AGPS: variants seen among roughly 807,000 people sequenced by gnomAD.
The protein encoded by AGPS is alkyldihydroxyacetonephosphate synthase, peroxisomal.
In AGPS, 26 loss-of-function variants were observed where a neutral mutation model predicts 90.7. The observed-to-expected ratio is 0.29, with a 90% CI of 0.21 to 0.40. AGPS has a LOEUF of 0.40. AGPS is among the 10% of genes least tolerant of loss of function. AGPS has a pLI of 1.00. For missense variants in AGPS, 540 were observed against 816.1 expected (o/e 0.66, Z 4.12); for synonymous variants, 294 against 285.3 (o/e 1.03, Z -0.31).
At chr2:177,403,312 T>A (rs1412855805) in intron 1 of AGPS, among the ~76,000 whole-genome samples, 2 of 152,108 alleles carry the variant, frequency 1.3e-5, no homozygotes, top group Non-Finnish European at 2.9e-5. Context: ...ATTGGAAGAG[T>A]ATTGTTCTAT....
chr2:177,440,753 G>T (rs900490869), intron 5 of AGPS, among the ~76,000 whole-genome samples: 1 of 152,018 alleles, frequency 6.6e-6, no homozygotes, highest in Non-Finnish European at 1.5e-5. Flanking sequence ...GAAAATTTTC[G>T]TACTATCTTT....
intron 9 of AGPS, among the ~76,000 whole-genome samples, chr2:177,465,378 C>T (rs1349766620): frequency 2.0e-5 from 3 of 152,190 alleles, no homozygotes; most frequent in Middle Eastern, 3.4e-3. Flanking sequence ...TCATGGGATT[C>T]TTGGGGTGTC....
rs142749497 is a variant in AGPS, at chr2:177,495,842, G to A, written c.1286-1847G>A. 3.2e-4 allele frequency among the ~76,000 whole-genome samples: 46 copies of A among 145,078 alleles called. 2 individuals carry two copies. In the East Asian group the frequency reaches 9.0e-3, roughly 28 times the overall value. ...CTGAGGCAGGAGAATTGCTTGAACC[G>A]GGGAGGCAGAGGTTGCTGTGAGCCG... On this transcript the variant is annotated intron_variant, in intron 12 of 19. Transcript: ENST00000264167.
chr2:177,492,348 G>T (rs1269873057), intron 11 of AGPS, among the ~76,000 whole-genome samples: 1 of 152,076 alleles, frequency 6.6e-6, no homozygotes, highest in African/African-American at 2.4e-5. Flanking sequence ...GTCTAATCAG[G>T]CTTTGTATAT....
At chr2:177,509,972 A>T (rs1242833685) in intron 16 of AGPS, among the ~76,000 whole-genome samples, 2 of 152,030 alleles carry the variant, frequency 1.3e-5, no homozygotes, top group Non-Finnish European at 2.9e-5. Context: ...ACCAAAAGAA[A>T]CCCTGAAACA....
intron 8 of AGPS, among the ~76,000 whole-genome samples, chr2:177,448,367 A>G (rs1426371121): frequency 2.0e-5 from 3 of 152,198 alleles, no homozygotes. Context: ...CATTCAGGCT[A>G]ACAGACTTTA....
chr2:177,420,250 T>C lies in AGPS; in HGVS notation c.261-19T>C. 1.4e-6 allele frequency: 2 copies of C among 1,478,016 alleles called. No individual in the cohort carries two copies. Among genetic ancestry groups the C allele is most frequent in the Non-Finnish European group, 1.9e-6 (2 of 1,057,252 alleles). 91.6% of individuals were successfully genotyped at this position (1,478,016 alleles called of 1,614,324 possible). A position where few individuals can be genotyped will look rare whatever the true frequency, so the allele number is the denominator to read the frequency against. ...ATGTTTAGCATTGGTCTCACTTATA[T>C]ATATTTTCTTCTCACTAGGCAAGAA... On this transcript the variant is annotated intron_variant, in intron 1 of 19. Transcript: ENST00000264167.
At chr2:177,416,733 A>G (rs914820691) in intron 1 of AGPS, among the ~76,000 whole-genome samples, 3 of 151,732 alleles carry the variant, frequency 2.0e-5, no homozygotes, top group Non-Finnish European at 2.9e-5. Context: ...GTTTCACTAT[A>G]TTAGCCAGGA....
Position 177,436,815 on chromosome 2 carries a change from C to A in AGPS, c.493C>A (p.Leu165Ile). 1 of 1,611,176 alleles carries A rather than the reference C, an allele frequency of 6.2e-7. No homozygotes were observed. The highest frequency in any genetic ancestry group is 1.3e-5 in the African/African-American group (1 of 74,970). The change falls in exon 4 of 20, where the codon CTT (leucine) becomes ATT (isoleucine). Residue 165 changes from leucine to isoleucine, a missense_variant. Physicochemically the swap from Leu to Ile is conservative, Grantham distance 5. Transcript: ENST00000264167. ...TCCTTCTGTTGTAAATGAAGATTTTCTTCATGACCTTAAAGAAACTAATAT... is the reference window on the plus strand; with the variant it reads ...TCCTTCTGTTGTAAATGAAGATTTTATTCATGACCTTAAAGAAACTAATAT... ...TPPSVVNEDF[L>I]HDLKETNISY...
chr2:177,503,240 A>G (rs936911772), intron 14 of AGPS, among the ~76,000 whole-genome samples: 6 of 152,182 alleles, frequency 3.9e-5, no homozygotes, highest in African/African-American at 7.2e-5. Flanking sequence ...TTGTTTATCC[A>G]TGTTTGCTAG....
chr2:177,491,760 T>TTCC (rs1688266881), intron 11 of AGPS, among the ~76,000 whole-genome samples: 1 of 46,506 alleles, frequency 2.2e-5, no homozygotes, highest in Non-Finnish European at 3.7e-5. Context: ...ATACTTTCCT[T>TTCC]CCCCCCCCCC....
In AGPS at chr2:177,425,490, G is replaced by A. The variant is rs189440820; in HGVS notation, c.350+5132G>A. On this transcript the variant is annotated intron_variant, in intron 2 of 19. Transcript: ENST00000264167. ...ACAAAAATTAGCAGGGCATGGTGGC[G>A]CATGCCTATAATCCCAGCTACTCAT... is the stretch of plus-strand genomic sequence containing the variant. Among the ~76,000 whole-genome samples, 998 of 151,974 alleles carry A rather than the reference G, an allele frequency of 6.6e-3. 9 individuals are homozygous for A. The highest frequency in any genetic ancestry group is 0.023 in the African/African-American group (953 of 41,458).
At chr2:177,530,200 T>C (rs1226677718) in intron 19 of AGPS, among the ~76,000 whole-genome samples, 1 of 152,218 alleles carries the variant, frequency 6.6e-6, no homozygotes, top group Non-Finnish European at 1.5e-5. Context: ...TCTCACCCTA[T>C]AGGAAAGTTT....
chr2:177,423,522 G>T (rs1319586622), intron 2 of AGPS, among the ~76,000 whole-genome samples: 2 of 152,104 alleles, frequency 1.3e-5, no homozygotes, highest in Non-Finnish European at 2.9e-5. Flanking sequence ...AACAGAGCTG[G>T]AAAGAAAGAA....
chr2:177,415,497 T>G (rs976482757), intron 1 of AGPS, among the ~76,000 whole-genome samples: 38 of 152,380 alleles, frequency 2.5e-4, no homozygotes, highest in African/African-American at 8.9e-4. Context: ...AATTATCACA[T>G]TGATTAATAA....
rs887789524 is a variant in AGPS, at chr2:177,542,094, A to G, written c.*3899A>G. ...CTGTTTATTCTTTTATTTGCATATG[A>G]GTTTTTCTTTTAGTTTTAGTTTTTC... On this transcript the variant is annotated 3_prime_UTR_variant, in exon 20 of 20. Transcript: ENST00000264167. The G allele has an allele frequency of 6.6e-6, 1 of 151,460 alleles. No individual in the cohort carries two copies. Among genetic ancestry groups the G allele is most frequent in the Non-Finnish European group, 1.5e-5 (1 of 67,720 alleles). The allele number at this position is 151,460 out of a possible 1,614,324, so 9.4% of individuals were successfully genotyped here.
intron 2 of AGPS, 91 bp downstream of exon 2, chr2:177,420,449 C>G: frequency 1.0e-6 from 1 of 955,154 alleles, no homozygotes; most frequent in Non-Finnish European, 1.7e-6. Flanking sequence ...AATGATTCCT[C>G]CTTGAGTTTA....
intron 11 of AGPS, among the ~76,000 whole-genome samples, chr2:177,488,114 T>C (rs1332442980): frequency 6.6e-6 from 1 of 152,176 alleles, no homozygotes; most frequent in Non-Finnish European, 1.5e-5. Flanking sequence ...TGATACCAAC[T>C]CTGACTTATT....
In AGPS at chr2:177,478,269, T is replaced by C. The variant is rs374576575; in HGVS notation, c.1106-3790T>C. Among the ~76,000 whole-genome samples, 23 of 152,342 alleles carry C rather than the reference T, an allele frequency of 1.5e-4. No homozygotes were observed. The East Asian group carries it at 3.7e-3, about 24-fold the overall frequency. ...ATGAGTCATTTTTCTCTTGCTGTTT[T>C]CAAGATTTTTCTCTTGCCTTTGACT... On this transcript the variant is annotated intron_variant, in intron 10 of 19. Transcript: ENST00000264167.
Sources: allele counts gnomAD v4.1 joint callset (sites outside exome capture counted in the v4.1 genomes callset), GRCh38; gene constraint gnomAD v4.1.1; transcripts MANE v1.5; gene names NCBI Gene and HGNC (gene_info 2026-07-23, HGNC 2026-07-21).